The following JADE1 variants were observed in gnomAD, a reference collection of about 807,000 sequenced individuals.
JADE1 encodes protein Jade-1.
In JADE1, 14 loss-of-function variants were observed where a neutral mutation model predicts 81.8. The ratio of observed to expected loss-of-function variants is 0.17; its 90% CI spans 0.11 to 0.27. JADE1 has a LOEUF of 0.27. Among genes scored for constraint, JADE1 ranks in the 10% least tolerant of loss-of-function variants. The pLI, the probability that JADE1 is intolerant of heterozygous loss-of-function variation, is 1.00. For missense variants in JADE1, 690 were observed against 1,047.9 expected (o/e 0.66, Z 4.71); for synonymous variants, 353 against 391.9 (o/e 0.90, Z 1.17).
chr4:128,862,568 G>T, intron 9 of JADE1: 1 of 1,127,644 alleles, frequency 8.9e-7, no homozygotes, highest in Non-Finnish European at 1.1e-6. Flanking sequence ...AATGACCCAA[G>T]GAGTTGACTC....
intron 10 of JADE1, among the ~76,000 whole-genome samples, chr4:128,869,554 A>C (rs1219902033): frequency 1.3e-5 from 2 of 152,144 alleles, no homozygotes; most frequent in African/African-American, 4.8e-5. Flanking sequence ...CGTAAAGAGC[A>C]TTTTCATCTG....
chr4:128,851,752 C>T (rs1335005939), intron 5 of JADE1, among the ~76,000 whole-genome samples: 1 of 152,162 alleles, frequency 6.6e-6, no homozygotes, highest in African/African-American at 2.4e-5. Context: ...TAGCCCCAAC[C>T]TCCTGGGCTC....
intron 1 of JADE1, among the ~76,000 whole-genome samples, chr4:128,825,667 G>GC (rs1727998174): frequency 6.6e-6 from 1 of 152,196 alleles, no homozygotes. Context: ...CCTCCAGGTA[G>GC]ACTGTGTGCT....
rs774792259 is a variant in JADE1, at chr4:128,872,290, T to G, written c.*28T>G. 7 of 1,597,460 alleles carry G rather than the reference T, an allele frequency of 4.4e-6. No homozygotes were observed. The highest frequency in any genetic ancestry group is 3.4e-5 in the Admixed American group (2 of 59,034). ...CAACAGAGATGATGCGGAAGCCCTTTGGGCTCGTCATTGGGTTTGCTAGAG... is the reference window on the plus strand; with the variant it reads ...CAACAGAGATGATGCGGAAGCCCTTGGGGCTCGTCATTGGGTTTGCTAGAG... On this transcript the variant is annotated 3_prime_UTR_variant, in exon 11 of 11. Transcript: ENST00000226319.
chr4:128,843,149 C>G, intron 3 of JADE1, 111 bp downstream of exon 3: 1 of 813,738 alleles, frequency 1.2e-6, no homozygotes, highest in Admixed American at 2.6e-5. Context: ...TCCTTGTGCT[C>G]CAGTTTCCAA....
intron 6 of JADE1, 31 bp from the exon 7 acceptor site, chr4:128,855,599 T>G (rs1321105026): frequency 3.2e-6 from 5 of 1,553,554 alleles, no homozygotes; most frequent in Non-Finnish European, 3.5e-6. Flanking sequence ...TCTTTCTCTC[T>G]ATTCCTCTGG....
At chr4:128,821,013 C>T (rs924412002) in intron 1 of JADE1, among the ~76,000 whole-genome samples, 4 of 152,142 alleles carry the variant, frequency 2.6e-5, no homozygotes, top group African/African-American at 9.7e-5. Context: ...TTCTTACCTT[C>T]GTTCATTCAG....
chr4:128,845,849 G>A (rs1729826659), intron 3 of JADE1, among the ~76,000 whole-genome samples: 1 of 151,856 alleles, frequency 6.6e-6, no homozygotes, highest in Non-Finnish European at 1.5e-5. Context: ...GCTTGAACCT[G>A]GGAGGCAGAG....
chr4:128,815,400 A>G (rs1726944707), intron 1 of JADE1, among the ~76,000 whole-genome samples: 2 of 152,188 alleles, frequency 1.3e-5, no homozygotes, highest in South Asian at 2.1e-4. Context: ...GTGCCCGGCA[A>G]TCTTAAGTAA....
In JADE1 at chr4:128,811,664, C is replaced by G. The variant is rs1398404323; in HGVS notation, c.-27+1787C>G. On this transcript the variant is annotated intron_variant, in intron 1 of 10. Transcript: ENST00000226319. Reference sequence around the variant, plus strand: ...TGGGGGGTTGCGGGGGCGGGGACGCCCGGCCCGCCGCGCCCGCCCCGCACA... The same window carrying G: ...TGGGGGGTTGCGGGGGCGGGGACGCGCGGCCCGCCGCGCCCGCCCCGCACA... Among the ~76,000 whole-genome samples, 12 of 146,942 alleles carry G rather than the reference C, an allele frequency of 8.2e-5. No individual in the cohort carries two copies. In the East Asian group the frequency reaches 2.2e-3, roughly 27 times the overall value.
chr4:128,870,427 GCT>G (rs1732104549), intron 10 of JADE1, among the ~76,000 whole-genome samples: 1 of 152,132 alleles, frequency 6.6e-6, no homozygotes, highest in Non-Finnish European at 1.5e-5. Flanking sequence ...CATGAGAACT[GCT>G]CTTTCTAGAT....
chr4:128,847,553 G>C (rs950885450), intron 4 of JADE1, among the ~76,000 whole-genome samples: 3 of 152,186 alleles, frequency 2.0e-5, no homozygotes, highest in Non-Finnish European at 4.4e-5. Context: ...GGCAGACCAG[G>C]TATCTGCCTC....
chr4:128,813,514 G>A (rs1372432780), intron 1 of JADE1, among the ~76,000 whole-genome samples: 1 of 150,074 alleles, frequency 6.7e-6, no homozygotes, highest in Non-Finnish European at 1.5e-5. Context: ...CGCCTCCTGG[G>A]TTCAAGCGAT....
chr4:128,858,261 A>G (rs1032313377), intron 8 of JADE1, among the ~76,000 whole-genome samples: 1 of 152,180 alleles, frequency 6.6e-6, no homozygotes, highest in Non-Finnish European at 1.5e-5. Flanking sequence ...CTAAGACCCT[A>G]CTGAGAAGTT....
chr4:128,859,529 A>G (rs577423447), intron 8 of JADE1, among the ~76,000 whole-genome samples: 14 of 149,204 alleles, frequency 9.4e-5, no homozygotes, highest in African/African-American at 3.2e-4. Context: ...ATGCTTGTGT[A>G]TGTGTGTATG....
chr4:128,844,240 T>C (rs772371616), intron 3 of JADE1, among the ~76,000 whole-genome samples: 9 of 152,180 alleles, frequency 5.9e-5, no homozygotes, highest in Non-Finnish European at 1.2e-4. Flanking sequence ...CGAGGGCTGG[T>C]CCCCAGTGGT....
chr4:128,811,802 C>G (rs1037845152), intron 1 of JADE1: 2 of 151,660 alleles, frequency 1.3e-5, no homozygotes, highest in Admixed American at 6.6e-5. Flanking sequence ...TTTGTTGGTT[C>G]CGCGCCGCCT....
chr4:128,859,302 GCA>G, intron 8 of JADE1, among the ~76,000 whole-genome samples: 1 of 152,090 alleles, frequency 6.6e-6, no homozygotes, highest in African/African-American at 2.4e-5. Context: ...ATGTGTGTAT[GCA>G]TGTGTATTTG....
At chr4:128,847,354 G>A (rs1411714403) in intron 4 of JADE1, among the ~76,000 whole-genome samples, 1 of 152,142 alleles carries the variant, frequency 6.6e-6, no homozygotes, top group African/African-American at 2.4e-5. Flanking sequence ...CACCCACTTT[G>A]TGTCTCTTTT....
Sources: gnomAD v4.1 joint callset for allele counts (sites outside exome capture counted in the v4.1 genomes callset) on GRCh38, gnomAD v4.1.1 for gene constraint, MANE v1.5 for transcripts, NCBI Gene and HGNC (gene_info 2026-07-23, HGNC 2026-07-21) for gene names.